Variants in SH3BGR observed in about 807,000 individuals in gnomAD.
The protein encoded by SH3BGR is SH3 domain binding glutamate rich protein.
In SH3BGR, 29 loss-of-function variants were observed where a neutral mutation model predicts 24.5. The observed-to-expected ratio is 1.18, with a 90% CI of 0.88 to 1.61. The LOEUF (loss-of-function observed/expected upper bound fraction) is 1.61, where lower values mean the gene tolerates loss of function less well. Ranked by LOEUF, SH3BGR falls within the 40% of genes most tolerant of loss-of-function variation. The pLI, the probability that SH3BGR is intolerant of heterozygous loss-of-function variation, is 0.00. For synonymous variants in SH3BGR, 55 were observed against 65.7 expected (o/e 0.84, Z 0.79); for missense variants, 162 against 205.8 (o/e 0.79, Z 1.30).
chr21:39,468,222 C>T (rs1397967672), intron 2 of SH3BGR, among the ~76,000 whole-genome samples: 1 of 152,180 alleles, frequency 6.6e-6, no homozygotes, highest in Non-Finnish European at 1.5e-5. Flanking sequence ...GAGAGGGCTT[C>T]TCAACATATC....
intron 4 of SH3BGR, among the ~76,000 whole-genome samples, chr21:39,503,964 G>T (rs2078540156): frequency 6.6e-6 from 1 of 152,196 alleles, no homozygotes; most frequent in Admixed American, 6.5e-5. Flanking sequence ...CGCCTCAGGA[G>T]TAAAGGAGGA....
intron 4 of SH3BGR, among the ~76,000 whole-genome samples, chr21:39,503,286 G>C (rs1394527139): frequency 6.6e-6 from 1 of 152,206 alleles, no homozygotes; most frequent in East Asian, 1.9e-4. Context: ...AAAAATAAGA[G>C]TCTTGTGTGC....
At position 39,462,440 on chromosome 21, in the gene SH3BGR, A is replaced by G. The variant is rs774307274; in HGVS notation, c.111A>G (p.Leu37=). 1.3e-5 allele frequency: 21 copies of G among 1,610,238 alleles called. No individual in the cohort carries two copies. The South Asian group carries it at 2.2e-4, about 17-fold the overall frequency. The part of the protein sequence containing the change: ...LEANKIDFKE[L]DIAGDEDNRR... ...CGAATAAAATCGACTTTAAGGAATT[A>G]GATATTGCTGGAGATGAAGACAACA... is the stretch of plus-strand genomic sequence containing the variant. The change falls in exon 2 of 7, where the codon TTA becomes TTG. Residue 37 remains leucine (L), a synonymous_variant. Transcript: ENST00000333634.
At chr21:39,454,958 T>C (rs2077631374) in intron 1 of SH3BGR, among the ~76,000 whole-genome samples, 1 of 152,214 alleles carries the variant, frequency 6.6e-6, no homozygotes. Context: ...AAGGCATTGT[T>C]ACATCCAGTT....
At chr21:39,478,383 A>G (rs988725015) in intron 3 of SH3BGR, among the ~76,000 whole-genome samples, 1 of 152,200 alleles carries the variant, frequency 6.6e-6, no homozygotes, top group Non-Finnish European at 1.5e-5. Context: ...CTCTGAGATC[A>G]CGTCTGATGC....
intron 4 of SH3BGR, among the ~76,000 whole-genome samples, chr21:39,508,720 T>C (rs2078624623): frequency 6.6e-6 from 1 of 152,236 alleles, no homozygotes; most frequent in Admixed American, 6.5e-5. Flanking sequence ...TTGAATGTAT[T>C]ACTAAGCAGT....
At chr21:39,510,772 A>T (rs1349108229) in intron 5 of SH3BGR, among the ~76,000 whole-genome samples, 2 of 151,360 alleles carry the variant, frequency 1.3e-5, no homozygotes, top group Non-Finnish European at 2.9e-5. Context: ...GAAATTCCAG[A>T]TTATATATAT....
chr21:39,446,467 A>G (rs892810065), intron 1 of SH3BGR, among the ~76,000 whole-genome samples: 8 of 152,176 alleles, frequency 5.3e-5, no homozygotes, highest in African/African-American at 1.9e-4. Flanking sequence ...GCGAGGTTGC[A>G]GGGCCAAAGC....
At chr21:39,471,034 G>T (rs1042436250) in intron 2 of SH3BGR, among the ~76,000 whole-genome samples, 8 of 152,062 alleles carry the variant, frequency 5.3e-5, no homozygotes, top group Non-Finnish European at 1.2e-4. Flanking sequence ...TCAGCTGTCA[G>T]TCTCATCACT....
chr21:39,477,370 A>C (rs1181049761), intron 3 of SH3BGR, among the ~76,000 whole-genome samples: 1 of 152,192 alleles, frequency 6.6e-6, no homozygotes, highest in African/African-American at 2.4e-5. Flanking sequence ...TTCTGGGCTC[A>C]AGTTGTCCTC....
chr21:39,448,488 A>G (rs974629747), upstream of SH3BGR, among the ~76,000 whole-genome samples: 10 of 152,182 alleles, frequency 6.6e-5, no homozygotes, highest in Non-Finnish European at 1.2e-4. Flanking sequence ...TCAAAAAGTG[A>G]TGTTATTTGA....
chr21:39,512,368 C>T (rs2078710771), intron 6 of SH3BGR, among the ~76,000 whole-genome samples: 1 of 152,176 alleles, frequency 6.6e-6, no homozygotes, highest in South Asian at 2.1e-4. Flanking sequence ...CAGAACGCTC[C>T]TCTGGAAACA....
At chr21:39,450,600 G>A (rs917701317), upstream of SH3BGR, among the ~76,000 whole-genome samples, 2 of 152,024 alleles carry the variant, frequency 1.3e-5, no homozygotes, top group African/African-American at 4.8e-5. Context: ...AAAGGGAGCC[G>A]GAGAACAGAG....
At chr21:39,463,363 A>G (rs1180560297) in intron 2 of SH3BGR, among the ~76,000 whole-genome samples, 3 of 152,222 alleles carry the variant, frequency 2.0e-5, no homozygotes, top group Non-Finnish European at 4.4e-5. Flanking sequence ...CCCAGAGTTT[A>G]TAGATCATAC....
intron 3 of SH3BGR, among the ~76,000 whole-genome samples, chr21:39,497,679 C>A (rs1287772492): frequency 1.3e-5 from 2 of 151,960 alleles, no homozygotes; most frequent in African/African-American, 4.8e-5. Flanking sequence ...CAAAACATAT[C>A]AAGACAATTA....
intron 3 of SH3BGR, among the ~76,000 whole-genome samples, chr21:39,499,194 T>C (rs1569171481): frequency 6.6e-6 from 1 of 151,320 alleles, no homozygotes; most frequent in African/African-American, 2.4e-5. Context: ...TAATTCAAGA[T>C]GAGATTTGAG....
chr21:39,461,958 C>G (rs1405255154), intron 1 of SH3BGR, among the ~76,000 whole-genome samples: 1 of 152,092 alleles, frequency 6.6e-6, no homozygotes, highest in Non-Finnish European at 1.5e-5. Context: ...AAGTGATTCT[C>G]CTGCCTCAGC....
At chr21:39,455,220 G>A (rs1237454285) in intron 1 of SH3BGR, among the ~76,000 whole-genome samples, 1 of 152,212 alleles carries the variant, frequency 6.6e-6, no homozygotes, top group African/African-American at 2.4e-5. Flanking sequence ...CTTTAGGACA[G>A]AGAACAATAC....
Position 39,500,824 on chromosome 21 carries a change from G to A in SH3BGR, c.405+909G>A, listed in dbSNP as rs929409604. On this transcript the variant is annotated intron_variant, in intron 4 of 6. Transcript: ENST00000333634. ...GAAAGGGGCTGAGACCCACACCCACGCTATGGAAAAAGGGGTGTGGGGCTG... is the reference window on the plus strand; with the variant it reads ...GAAAGGGGCTGAGACCCACACCCACACTATGGAAAAAGGGGTGTGGGGCTG... Among the ~76,000 whole-genome samples the A allele has an allele frequency of 9.9e-5, 15 of 152,232 alleles. No individual in the cohort carries two copies. In the East Asian group the frequency reaches 2.1e-3, roughly 22 times the overall value.
Sources: gnomAD v4.1 joint callset for allele counts (sites outside exome capture counted in the v4.1 genomes callset) on GRCh38, gnomAD v4.1.1 for gene constraint, MANE v1.5 for transcripts, NCBI Gene and HGNC (gene_info 2026-07-23, HGNC 2026-07-21) for gene names.